The following CDH13 variants were observed in gnomAD, a reference collection of about 807,000 sequenced individuals.
CDH13 encodes the protein cadherin 13.
A neutral mutation model predicts 63.8 loss-of-function variants in CDH13; 24 were observed. The observed-to-expected ratio is 0.38, with a 90% CI of 0.27 to 0.53. The LOEUF (loss-of-function observed/expected upper bound fraction) is 0.53. Among genes scored for constraint, CDH13 ranks in the 20% least tolerant of loss-of-function variants. The pLI is 0.85. For synonymous variants in CDH13, 503 were observed against 355.3 expected, an observed-to-expected ratio of 1.42 and a Z score of -4.67; for missense variants, 1,049 against 903.1, an observed-to-expected ratio of 1.16 and a Z score of -2.07.
intron 4 of CDH13, among the ~76,000 whole-genome samples, chr16:83,151,955 A>G (rs2036999941): frequency 6.6e-6 from 1 of 151,880 alleles, no homozygotes; most frequent in African/African-American, 2.4e-5. Context: ...AAAAAAAAAG[A>G]AAAGGAAAAG....
chr16:83,532,507 C>T (rs1019676561), intron 7 of CDH13, among the ~76,000 whole-genome samples: 4 of 152,248 alleles, frequency 2.6e-5, no homozygotes, highest in Non-Finnish European at 4.4e-5. Context: ...CTAGAAGCCA[C>T]ATGCGGGCTC....
intron 1 of CDH13, among the ~76,000 whole-genome samples, chr16:82,816,818 G>T (rs28376043): frequency 2.5e-5 from 3 of 119,544 alleles, no homozygotes; most frequent in East Asian, 3.1e-4. Context: ...GGCGGGGGGT[G>T]GGGGGGAATG....
chr16:83,752,723 A>G (rs1913185812), intron 11 of CDH13, among the ~76,000 whole-genome samples: 1 of 152,222 alleles, frequency 6.6e-6, no homozygotes, highest in South Asian at 2.1e-4. Context: ...ACAGACTGTG[A>G]GTCTCATTTT....
intron 7 of CDH13, among the ~76,000 whole-genome samples, chr16:83,585,728 A>G (rs1441577943): frequency 6.6e-6 from 1 of 152,058 alleles, no homozygotes; most frequent in Non-Finnish European, 1.5e-5. Context: ...AGGAGTGGCA[A>G]CCTACCAAAA....
At chr16:82,773,611 T>C (rs2035359344) in intron 1 of CDH13, 1 of 152,232 alleles carries the variant, frequency 6.6e-6, no homozygotes, top group Admixed American at 6.5e-5. Flanking sequence ...GTCATCAATC[T>C]CCAATTCATT....
In CDH13 at chr16:82,674,375, A is replaced by G. The variant is rs1913650466; in HGVS notation, c.45+47238A>G. Among the ~76,000 whole-genome samples, 3 of 152,274 alleles carry G rather than the reference A, an allele frequency of 2.0e-5. No homozygotes were observed. In the Middle Eastern group the frequency reaches 0.01, roughly 518 times the overall value. ...TTGGACCACTTAGTTTTCATCTTTG[A>G]TTTGAGGTATTTGAAATGAATGTGA... On this transcript the variant is annotated intron_variant, in intron 1 of 13. Coordinates refer to ENST00000567109, the MANE Select transcript of CDH13 (RefSeq NM_001257.5).
intron 1 of CDH13, among the ~76,000 whole-genome samples, chr16:82,780,110 AT>A (rs1468568909): frequency 3.9e-5 from 6 of 152,180 alleles, no homozygotes; most frequent in African/African-American, 1.4e-4. Context: ...GGTGTCTGCA[AT>A]AGTCTCATTG....
chr16:82,663,421 A>G (rs575838075), intron 1 of CDH13, among the ~76,000 whole-genome samples: 4 of 151,962 alleles, frequency 2.6e-5, no homozygotes, highest in Non-Finnish European at 4.4e-5. Context: ...CCGACCTCAG[A>G]TAATCCACAC....
chr16:83,469,006 G>C (rs2073389428), intron 6 of CDH13, among the ~76,000 whole-genome samples: 1 of 152,192 alleles, frequency 6.6e-6, no homozygotes, highest in African/African-American at 2.4e-5. Flanking sequence ...GCAGGAACAG[G>C]TGCACAGGAC....
At chr16:83,535,843 G>A (rs999438044) in intron 7 of CDH13, among the ~76,000 whole-genome samples, 16 of 150,386 alleles carry the variant, frequency 1.1e-4, no homozygotes, top group African/African-American at 3.9e-4. Flanking sequence ...AAGGAAGGAA[G>A]GGAGGGAGGG....
intron 5 of CDH13, among the ~76,000 whole-genome samples, chr16:83,229,004 G>A (rs1275549290): frequency 6.6e-6 from 1 of 152,142 alleles, no homozygotes; most frequent in African/African-American, 2.4e-5. Context: ...AACTCATAGT[G>A]AAGATATTAA....
intron 7 of CDH13, among the ~76,000 whole-genome samples, chr16:83,563,705 C>G (rs1300899574): frequency 6.6e-6 from 1 of 152,116 alleles, no homozygotes; most frequent in African/African-American, 2.4e-5. Flanking sequence ...ACATACTGGA[C>G]AAGACTTCTT....
chr16:82,644,872 G>T lies in CDH13; in HGVS notation c.45+17735G>T, dbSNP rs921761070. On this transcript the variant is annotated intron_variant, in intron 1 of 13. Transcript: ENST00000567109. The surrounding 1 kb of genome is among the most constrained non-coding windows in gnomAD (Gnocchi z 5.7). ...GCAAAATGTGTTCTGAAGAGATACTGGTTCCATGGGAGGTTAATATGGGTT... is the reference window on the plus strand; with the variant it reads ...GCAAAATGTGTTCTGAAGAGATACTTGTTCCATGGGAGGTTAATATGGGTT... Among the ~76,000 whole-genome samples the T allele has an allele frequency of 2.0e-5, 3 of 152,180 alleles. No homozygotes were observed. The highest frequency in any genetic ancestry group is 4.4e-5 in the Non-Finnish European group (3 of 68,038).
intron 2 of CDH13, among the ~76,000 whole-genome samples, chr16:83,004,154 G>A (rs1288079623): frequency 6.6e-6 from 1 of 152,152 alleles, no homozygotes; most frequent in Non-Finnish European, 1.5e-5. Context: ...GAAACCTACA[G>A]CCCCAGGCCA....
chr16:83,506,726 C>G (rs1318070628), intron 7 of CDH13, among the ~76,000 whole-genome samples: 1 of 152,212 alleles, frequency 6.6e-6, no homozygotes, highest in Non-Finnish European at 1.5e-5. Context: ...TTATTCTTGT[C>G]CTTTCTTGCT....
intron 4 of CDH13, among the ~76,000 whole-genome samples, chr16:83,141,888 G>T (rs1390327385): frequency 2.0e-5 from 3 of 152,040 alleles, no homozygotes; most frequent in African/African-American, 7.2e-5. Context: ...GTGCATATGT[G>T]CTTTCACTTT....
chr16:82,627,488 C>T (rs918125397), intron 1 of CDH13, among the ~76,000 whole-genome samples: 1 of 152,156 alleles, frequency 6.6e-6, no homozygotes, highest in Non-Finnish European at 1.5e-5. Flanking sequence ...CCTCCGGAGG[C>T]TCGGTGCATT....
intron 5 of CDH13, among the ~76,000 whole-genome samples, chr16:83,298,075 A>G (rs1459727214): frequency 4.7e-5 from 7 of 149,806 alleles, no homozygotes; most frequent in Admixed American, 4.7e-4. Context: ...AAAAAGAAAA[A>G]GAAAAAAAGA....
At chr16:83,109,398 G>A (rs1209232783) in intron 3 of CDH13, among the ~76,000 whole-genome samples, 1 of 152,182 alleles carries the variant, frequency 6.6e-6, no homozygotes, top group African/African-American at 2.4e-5. Context: ...GGAGTAAGTG[G>A]GAAGGGCCGG....
Sources: gnomAD v4.1 joint callset for allele counts (sites outside exome capture counted in the v4.1 genomes callset) on GRCh38, gnomAD v4.1.1 for gene constraint, Gnocchi (gnomAD v3.1) non-coding constraint, MANE v1.5 for transcripts, NCBI Gene and HGNC (gene_info 2026-07-23, HGNC 2026-07-21) for gene names.